Variants in BMS1 observed in about 807,000 individuals in gnomAD.
BMS1 encodes ribosome biogenesis protein BMS1 homolog.
In BMS1, 53 loss-of-function variants were observed where a neutral mutation model predicts 138.7. The observed-to-expected ratio is 0.38, with a 90% CI of 0.31 to 0.48. The LOEUF (loss-of-function observed/expected upper bound fraction) is 0.48. BMS1 is among the 20% of genes least tolerant of loss of function. The pLI, the probability that BMS1 is intolerant of heterozygous loss-of-function variation, is 0.97. For missense variants in BMS1, 1,360 were observed against 1,565.5 expected (o/e 0.87, Z 2.22); for synonymous variants, 504 against 539.9 (o/e 0.93, Z 0.92).
chr10:42,788,187 A>G (rs1257830990), intron 4 of BMS1, among the ~76,000 whole-genome samples: 2 of 152,216 alleles, frequency 1.3e-5, no homozygotes, highest in Non-Finnish European at 2.9e-5. Flanking sequence ...TAATGTTAAT[A>G]TTAGTAAAAA....
intron 13 of BMS1, among the ~76,000 whole-genome samples, chr10:42,808,859 A>T (rs897344426): frequency 6.6e-6 from 1 of 152,182 alleles, no homozygotes; most frequent in Admixed American, 6.5e-5. Context: ...TTGACTTCAC[A>T]TGTCAATCCC....
Position 42,790,613 on chromosome 10 carries a change from CAAGGCA to C in BMS1, c.636+103_636+108del. The C allele has an allele frequency of 2.4e-6, 3 of 1,273,746 alleles. No homozygotes were observed. The South Asian group carries it at 4.3e-5, about 18-fold the overall frequency. 78.9% of individuals were successfully genotyped at this position (1,273,746 alleles called of 1,614,324 possible). A position where few individuals can be genotyped will look rare whatever the true frequency, so the allele number is the denominator to read the frequency against. On this transcript the variant is annotated intron_variant, in intron 5 of 22. Transcript: ENST00000374518. ...TAACACCTGTAATCCCAGCACTTTG[CAAGGCA>C]GAGGCGGTCGGATCACTTGAGCCTA...
chr10:42,818,488 C>G (rs1413777676), intron 15 of BMS1, among the ~76,000 whole-genome samples: 2 of 152,114 alleles, frequency 1.3e-5, no homozygotes, highest in Non-Finnish European at 2.9e-5. Context: ...AAGAGTCAAA[C>G]CCGGATAGAC....
chr10:42,800,431 TTC>T (rs1284727942), intron 12 of BMS1, among the ~76,000 whole-genome samples: 1 of 152,216 alleles, frequency 6.6e-6, no homozygotes. Context: ...ATTCAATCAT[TTC>T]TCTTTATGTA....
In BMS1 at chr10:42,831,446, TC is replaced by T. The variant is rs1418385398; in HGVS notation, c.*351del. 5.2e-6 allele frequency: 1 copy of T among 192,734 alleles called. No homozygotes were observed. Among genetic ancestry groups the T allele is most frequent in the Non-Finnish European group, 1.1e-5 (1 of 92,310 alleles). 11.9% of individuals were successfully genotyped at this position (192,734 alleles called of 1,614,324 possible). A position where few individuals can be genotyped will look rare whatever the true frequency, so the allele number is the denominator to read the frequency against. On this transcript the variant is annotated 3_prime_UTR_variant, in exon 23 of 23. Transcript: ENST00000374518. ...TCATTAGGGATGAATGCCTGACAAT[TC>T]TTTGTGGATAATTATTTATACTACC...
Position 42,800,704 on chromosome 10 carries a change from T to C in BMS1, c.2248-1433T>C, listed in dbSNP as rs1220542464. 2.0e-5 allele frequency among the ~76,000 whole-genome samples: 3 copies of C among 151,980 alleles called. No individual in the cohort carries two copies. The East Asian group carries it at 5.8e-4, about 29-fold the overall frequency. ...ACTAGGCCCAGCTAATTTTTTTGCA[T>C]TTTTAGTAGAGATGGGGTTTCACCA... On this transcript the variant is annotated intron_variant, in intron 12 of 22. Coordinates refer to ENST00000374518, the MANE Select transcript of BMS1 (RefSeq NM_014753.4).
intron 9 of BMS1, among the ~76,000 whole-genome samples, chr10:42,796,237 G>T (rs1454445976): frequency 6.6e-6 from 1 of 152,016 alleles, no homozygotes. Context: ...GTTTTTTAAG[G>T]GTTATTCCTT....
intron 20 of BMS1, 130 bp downstream of exon 20, chr10:42,823,395 T>G: frequency 7.7e-7 from 1 of 1,296,786 alleles, no homozygotes. Flanking sequence ...CCCAGTCTTA[T>G]GGGTGTGCCC....
chr10:42,800,092 GTTGTGGCTAC>G (rs1220925330), intron 12 of BMS1, among the ~76,000 whole-genome samples: 1 of 152,156 alleles, frequency 6.6e-6, no homozygotes, highest in African/African-American at 2.4e-5. Flanking sequence ...TGAGCTGTGG[GTTGTGGCTAC>G]TTGTGGCTAC....
intron 15 of BMS1, among the ~76,000 whole-genome samples, chr10:42,819,777 A>G (rs902393136): frequency 1.3e-5 from 2 of 152,072 alleles, no homozygotes; most frequent in African/African-American, 2.4e-5. Context: ...GAGGTAAAAT[A>G]TGTAGGTCTT....
In BMS1 at chr10:42,796,529, C is replaced by G. The variant is rs748277670; in HGVS notation, c.1285C>G (p.Arg429Gly). 1.9e-6 allele frequency: 3 copies of G among 1,614,068 alleles called. No homozygotes were observed. The highest frequency in any genetic ancestry group is 1.7e-5 in the Admixed American group (1 of 60,020). ...GGACTTGAACACTGGTCGAATGCGTCGGAAAGCCATTTTCGGAGATGAAGA... is the reference window on the plus strand; with the variant it reads ...GGACTTGAACACTGGTCGAATGCGTGGGAAAGCCATTTTCGGAGATGAAGA... ...QMDLNTGRMR[R>G]KAIFGDEDES... is the part of the protein sequence containing the mutation. The change falls in exon 10 of 23, where the codon CGG (arginine) becomes GGG (glycine). Residue 429 changes from arginine to glycine, a missense_variant. Arg to Gly is a moderately radical substitution (Grantham distance 125, BLOSUM62 -2). Around this residue, in one of 3 missense-constraint regions of BMS1, gnomAD observed 697 missense variants for 686.2 expected, o/e 1.02. Coordinates refer to ENST00000374518, the MANE Select transcript of BMS1 (RefSeq NM_014753.4).
At position 42,791,668 on chromosome 10, in the gene BMS1, A is replaced by G; in HGVS notation, c.678A>G (p.Glu226=). Residue 226 remains glutamate, a synonymous_variant, in exon 6 of 23, where the codon GAA becomes GAG. Transcript: ENST00000374518. ...ACCTTTCTGGAATGGTGCATGGAGA[A>G]TATCAAAACCAAGAAATCCACAATC... ...LFYLSGMVHG[E]YQNQEIHNLG... 1 of 1,613,794 alleles carries G rather than the reference A, an allele frequency of 6.2e-7. No individual in the cohort carries two copies.
At position 42,816,492 on chromosome 10, in the gene BMS1, G is replaced by A. The variant is rs575275874; in HGVS notation, c.2330-107G>A. On this transcript the variant is annotated intron_variant, in intron 13 of 22. Transcript: ENST00000374518. ...CTGTGTGTGTAGTGACAGGAACAGT[G>A]AGAATGAGGCTTGGAACGCAGAGCA... 3 of 808,468 alleles carry A rather than the reference G, an allele frequency of 3.7e-6. No homozygotes were observed. The African/African-American group carries it at 5.1e-5, about 14-fold the overall frequency. 50.1% of individuals were successfully genotyped at this position (808,468 alleles called of 1,614,324 possible). A position where few individuals can be genotyped will look rare whatever the true frequency, so the allele number is the denominator to read the frequency against.
intron 1 of BMS1, among the ~76,000 whole-genome samples, chr10:42,784,075 G>C (rs1841247088): frequency 6.6e-6 from 1 of 152,146 alleles, no homozygotes; most frequent in Non-Finnish European, 1.5e-5. Flanking sequence ...TACAGATATA[G>C]TATATTTCTA....
rs116235632 is a variant in BMS1, at chr10:42,784,671, C to A, written c.176+101C>A. The A allele has an allele frequency of 7.0e-4, 940 of 1,343,778 alleles. 9 individuals carry two copies. In the African/African-American group the frequency reaches 0.011, roughly 16 times the overall value. The allele number at this position is 1,343,778 out of a possible 1,614,324, so 83.2% of individuals were successfully genotyped here. ...TTGGATTCACGAGTCTAGTCCAGCTCCAAAGGACATGGAGATTCATGGTGT... is the reference window on the plus strand; with the variant it reads ...TTGGATTCACGAGTCTAGTCCAGCTACAAAGGACATGGAGATTCATGGTGT... On this transcript the variant is annotated intron_variant, in intron 2 of 22. Coordinates refer to ENST00000374518, the MANE Select transcript of BMS1 (RefSeq NM_014753.4).
At chr10:42,829,682 C>G (rs1245013484) in intron 21 of BMS1, among the ~76,000 whole-genome samples, 1 of 151,804 alleles carries the variant, frequency 6.6e-6, no homozygotes, top group African/African-American at 2.4e-5. Context: ...ATTAGCCGGG[C>G]GTGGTGGTGT....
intron 13 of BMS1, 108 bp from the exon 14 acceptor site, chr10:42,816,491 T>G: frequency 3.8e-6 from 3 of 796,208 alleles, no homozygotes; most frequent in Non-Finnish European, 5.8e-6. Context: ...ACAGGAACAG[T>G]GAGAATGAGG....
At chr10:42,783,755 AT>A (rs1841237808) in intron 1 of BMS1, among the ~76,000 whole-genome samples, 1 of 152,108 alleles carries the variant, frequency 6.6e-6, no homozygotes, top group African/African-American at 2.4e-5. Flanking sequence ...AGCTATTTCT[AT>A]TTTTCAAATG....
chr10:42,808,190 G>A (rs1028912129), intron 13 of BMS1, among the ~76,000 whole-genome samples: 1 of 152,028 alleles, frequency 6.6e-6, no homozygotes, highest in Non-Finnish European at 1.5e-5. Flanking sequence ...ATCGTCGGAT[G>A]TGTGATTTGC....
Sources: allele counts gnomAD v4.1 joint callset (sites outside exome capture counted in the v4.1 genomes callset), GRCh38; gene constraint gnomAD v4.1.1; regional missense constraint gnomAD v4.1.1; transcripts MANE v1.5; gene names NCBI Gene and HGNC (gene_info 2026-07-23, HGNC 2026-07-21).